Variants in GPC2 observed in about 807,000 individuals in gnomAD.
The protein encoded by GPC2 is glypican-2.
GPC2 carries 42 observed loss-of-function variants against 57.3 expected under a neutral mutation model. The ratio of observed to expected loss-of-function variants is 0.73; its 90% CI spans 0.57 to 0.95. The LOEUF (loss-of-function observed/expected upper bound fraction) is 0.95. Ranked by LOEUF, GPC2 falls within the 40% of genes least tolerant of loss-of-function variation. The pLI, the probability that GPC2 is intolerant of heterozygous loss-of-function variation, is 0.00. For synonymous variants in GPC2, 364 were observed against 343.4 expected (o/e 1.06, Z -0.66); for missense variants, 745 against 793.6 (o/e 0.94, Z 0.74).
At position 100,175,911 on chromosome 7, in the gene GPC2, G is replaced by C. The variant is rs1265139904; in HGVS notation, c.326-17C>G. 4 of 1,608,548 alleles carry C rather than the reference G, an allele frequency of 2.5e-6. No individual in the cohort carries two copies. Among genetic ancestry groups the C allele is most frequent in the Non-Finnish European group, 2.6e-6 (3 of 1,175,448 alleles). ...GAAAAAACTCTGCAGCAAATGCAGG[G>C]AACAGGTGGAAGGCAGGTCAGGCCA... On this transcript the variant is annotated splice_polypyrimidine_tract_variant and intron_variant, in intron 2 of 9. Transcript: ENST00000292377.
chr7:100,171,731 C>A lies in GPC2; in HGVS notation c.1170+48G>T, dbSNP rs772538488. Reference sequence around the variant, plus strand: ...GCTGGAGCGCGACCCCCACAACCATCCCCGGCCCCGGGCCCCCCCGCCCCC... The same window carrying A: ...GCTGGAGCGCGACCCCCACAACCATACCCGGCCCCGGGCCCCCCCGCCCCC... On this transcript the variant is annotated intron_variant, in intron 7 of 9. Transcript: ENST00000292377. This position sits in a 1 kb window ranked among gnomAD's most constrained non-coding sequence, Gnocchi z 4.8. 2 of 907,338 alleles carry A rather than the reference C, an allele frequency of 2.2e-6. No homozygotes were observed. Among genetic ancestry groups the A allele is most frequent in the East Asian group, 2.8e-5 (1 of 35,426 alleles). The allele number at this position is 907,338 out of a possible 1,614,324, so 56.2% of individuals were successfully genotyped here. A position where few individuals can be genotyped will look rare whatever the true frequency, so the allele number is the denominator to read the frequency against.
intron 5 of GPC2, chr7:100,173,531 G>T: frequency 5.1e-6 from 1 of 196,460 alleles, no homozygotes; most frequent in Non-Finnish European, 1.0e-5. Flanking sequence ...TCCTGCCTCA[G>T]CCTCAGGAGT....
chr7:100,176,510 A>C, intron 1 of GPC2, 145 bp from the exon 2 acceptor site: 1 of 726,298 alleles, frequency 1.4e-6, no homozygotes, highest in Non-Finnish European at 2.3e-6. Flanking sequence ...ACCTGAACCT[A>C]TCCCCTACCT....
In GPC2 at chr7:100,171,884, G is replaced by T. The variant is rs762811890; in HGVS notation, c.1065C>A (p.Arg355=). The change falls in exon 7 of 10, where the codon CGC becomes CGA. Residue 355 remains arginine, a synonymous_variant. Transcript: ENST00000292377. The surrounding 1 kb of genome is among the most constrained non-coding windows in gnomAD (Gnocchi z 4.8). ...CCCGGGGCGGCGGGGCTCGACGGTT[G>T]CGGGCAGGCACCGGGTCGGGGGGGC... is the stretch of plus-strand genomic sequence containing the variant. ...ECGPPDPVPA[R]NRRAPPPREE... 8 of 1,518,544 alleles carry T rather than the reference G, an allele frequency of 5.3e-6. No individual in the cohort carries two copies. The African/African-American group carries it at 1.1e-4, about 21-fold the overall frequency. 94.1% of individuals were successfully genotyped at this position (1,518,544 alleles called of 1,614,324 possible).
Position 100,171,752 on chromosome 7 carries a change from C to A in GPC2, c.1170+27G>T. Reference sequence around the variant, plus strand: ...CCATCCCCGGCCCCGGGCCCCCCCGCCCCCAACTCTTGGTCATCCCACGCA... The same window carrying A: ...CCATCCCCGGCCCCGGGCCCCCCCGACCCCAACTCTTGGTCATCCCACGCA... On this transcript the variant is annotated intron_variant, in intron 7 of 9. Transcript: ENST00000292377. This position sits in a 1 kb window ranked among gnomAD's most constrained non-coding sequence, Gnocchi z 4.8. 6.6e-7 allele frequency: 1 copy of A among 1,514,674 alleles called. No homozygotes were observed. The highest frequency in any genetic ancestry group is 2.1e-5 in the Admixed American group (1 of 48,112). 93.8% of individuals were successfully genotyped at this position (1,514,674 alleles called of 1,614,324 possible).
At position 100,171,590 on chromosome 7, in the gene GPC2, G is replaced by A. The variant is rs1224009523; in HGVS notation, c.1259C>T (p.Ala420Val). ...GGGCGCCGCCTCCAGCGAGGCGTCCGCTGCCATGCGAGAGTCTCCGCACAC... is the reference window on the plus strand; with the variant it reads ...GGGCGCCGCCTCCAGCGAGGCGTCCACTGCCATGCGAGAGTCTCCGCACAC... ...LTVCGDSRMAADASLEAAPCW... is the reference protein window; with the variant it reads ...LTVCGDSRMAVDASLEAAPCW... Residue 420 changes from alanine (A) to valine (V), a missense_variant, in exon 8 of 10, where the codon GCG becomes GTG. This residue lies in a region of GPC2 where 607 missense variants were observed against 603.9 expected (regional missense o/e 1.01). Transcript: ENST00000292377. The surrounding 1 kb of genome is among the most constrained non-coding windows in gnomAD (Gnocchi z 4.8). 2.0e-6 allele frequency: 3 copies of A among 1,515,334 alleles called. No homozygotes were observed. The highest frequency in any genetic ancestry group is 8.7e-7 in the Non-Finnish European group (1 of 1,143,924). The allele number at this position is 1,515,334 out of a possible 1,614,324, so 93.9% of individuals were successfully genotyped here.
In GPC2 at chr7:100,172,075, T is replaced by C; in HGVS notation, c.1023+12A>G. ...GCCCCGGGCCTCACCTCCACCCTTC[T>C]CTCCCCTGTACCTGGGCGGACACCT... On this transcript the variant is annotated intron_variant, in intron 6 of 9. Coordinates refer to ENST00000292377, the MANE Select transcript of GPC2 (RefSeq NM_152742.3). The C allele has an allele frequency of 6.2e-7, 1 of 1,613,330 alleles. No homozygotes were observed. The highest frequency in any genetic ancestry group is 8.5e-7 in the Non-Finnish European group (1 of 1,179,746).
chr7:100,171,523 CGCCCCCGAG>C lies in GPC2; in HGVS notation c.1310+7_1310+15del. ...GGTCCCGCCCCCTGCTGCCCCCCGA[CGCCCCCGAG>C]GCTCACCGGCCCCGCCCGGCTCCGG... On this transcript the variant is annotated splice_region_variant and intron_variant, in intron 8 of 9. Transcript: ENST00000292377. The surrounding 1 kb of genome is among the most constrained non-coding windows in gnomAD (Gnocchi z 4.8). 1 of 1,366,294 alleles carries C rather than the reference CGCCCCCGAG, an allele frequency of 7.3e-7. No homozygotes were observed. The highest frequency in any genetic ancestry group is 9.4e-7 in the Non-Finnish European group (1 of 1,067,618). The allele number at this position is 1,366,294 out of a possible 1,614,324, so 84.6% of individuals were successfully genotyped here. A position where few individuals can be genotyped will look rare whatever the true frequency, so the allele number is the denominator to read the frequency against.
Position 100,171,043 on chromosome 7 carries a change from G to T in GPC2, c.1486+218C>A. The T allele has an allele frequency of 2.2e-6, 1 of 457,826 alleles. No homozygotes were observed. 28.4% of individuals were successfully genotyped at this position (457,826 alleles called of 1,614,324 possible). On this transcript the variant is annotated intron_variant, in intron 9 of 9. Coordinates refer to ENST00000292377, the MANE Select transcript of GPC2 (RefSeq NM_152742.3). The surrounding 1 kb of genome is among the most constrained non-coding windows in gnomAD (Gnocchi z 4.8). Reference sequence around the variant, plus strand: ...GGGCTTCCCACTGTTCTTTAAGAATGTTTTCGTGTCTCCCCTACTGGCCTG... The same window carrying T: ...GGGCTTCCCACTGTTCTTTAAGAATTTTTTCGTGTCTCCCCTACTGGCCTG...
Position 100,171,221 on chromosome 7 carries a change from C to A in GPC2, c.1486+40G>T. 1 of 1,490,312 alleles carries A rather than the reference C, an allele frequency of 6.7e-7. No individual in the cohort carries two copies. Among genetic ancestry groups the A allele is most frequent in the South Asian group, 1.3e-5 (1 of 79,198 alleles). 92.3% of individuals were successfully genotyped at this position (1,490,312 alleles called of 1,614,324 possible). A position where few individuals can be genotyped will look rare whatever the true frequency, so the allele number is the denominator to read the frequency against. Reference sequence around the variant, plus strand: ...CCAGGAGAGGGGAGAGGCTTCAGGGCAGTGGGCGGGGCTCAGGCTCAGGGA... The same window carrying A: ...CCAGGAGAGGGGAGAGGCTTCAGGGAAGTGGGCGGGGCTCAGGCTCAGGGA... On this transcript the variant is annotated intron_variant, in intron 9 of 9. Transcript: ENST00000292377. This position sits in a 1 kb window ranked among gnomAD's most constrained non-coding sequence, Gnocchi z 4.8.
intron 5 of GPC2, among the ~76,000 whole-genome samples, chr7:100,172,757 ATG>A (rs1255201754): frequency 3.6e-4 from 49 of 134,394 alleles, no homozygotes; most frequent in East Asian, 1.2e-3. Flanking sequence ...GTGTATATAT[ATG>A]TGTGTATATA....
chr7:100,171,716 GACCCCCACAACC>G lies in GPC2; in HGVS notation c.1171-50_1171-39del, dbSNP rs1425040885. 1 of 1,478,044 alleles carries G rather than the reference GACCCCCACAACC, an allele frequency of 6.8e-7. No homozygotes were observed. The highest frequency in any genetic ancestry group is 1.5e-5 in the African/African-American group (1 of 68,370). The allele number at this position is 1,478,044 out of a possible 1,614,324, so 91.6% of individuals were successfully genotyped here. On this transcript the variant is annotated intron_variant, in intron 7 of 9. Transcript: ENST00000292377. This position sits in a 1 kb window ranked among gnomAD's most constrained non-coding sequence, Gnocchi z 4.8. Reference sequence around the variant, plus strand: ...GAGGGGGCGGGGCGAGCTGGAGCGCGACCCCCACAACCATCCCCGGCCCCGGGCCCCCCCGCC... The same window carrying G: ...GAGGGGGCGGGGCGAGCTGGAGCGCGATCCCCGGCCCCGGGCCCCCCCGCC...
chr7:100,172,025 CCTCT>C (rs1799187755), intron 6 of GPC2, 58 bp downstream of exon 6: 1 of 1,594,028 alleles, frequency 6.3e-7, no homozygotes, highest in East Asian at 2.3e-5. Context: ...CCCTATACTG[CCTCT>C]CTGACACCCA....
Position 100,177,243 on chromosome 7 carries a change from A to G in GPC2, c.-44T>C. 6.5e-7 allele frequency: 1 copy of G among 1,536,152 alleles called. No individual in the cohort carries two copies. Among genetic ancestry groups the G allele is most frequent in the Non-Finnish European group, 8.8e-7 (1 of 1,134,986 alleles). On this transcript the variant is annotated 5_prime_UTR_variant, in exon 1 of 10. Coordinates refer to ENST00000292377, the MANE Select transcript of GPC2 (RefSeq NM_152742.3). ...ACGGCAAAGTGGGTCCTAAGGAGGA[A>G]AGCAGAGCCTCCCAAACTCGGGAAT...
At chr7:100,173,582 T>G in intron 5 of GPC2, 16 of 243,832 alleles carry the variant, frequency 6.6e-5, no homozygotes, top group East Asian at 1.5e-4. Flanking sequence ...GCCTGGCTGA[T>G]TTCTTTCTTT....
chr7:100,172,275 G>A (rs1429452612), intron 5 of GPC2, 58 bp from the exon 6 acceptor site: 1 of 1,566,664 alleles, frequency 6.4e-7, no homozygotes, highest in Non-Finnish European at 8.7e-7. Context: ...GAACTAGGAT[G>A]TTCCTGAAAA....
rs1411357207 is a variant in GPC2 at position 100,177,014 on chromosome 7, G to C, written c.166+20C>G. ...CCCGCCCCCCACCCCCAATTCTCTA[G>C]TCTTCCTCTTTCTCCTCACCTGAGA... On this transcript the variant is annotated intron_variant, in intron 1 of 9. Transcript: ENST00000292377. The C allele has an allele frequency of 7.0e-7, 1 of 1,433,894 alleles. No homozygotes were observed. Among genetic ancestry groups the C allele is most frequent in the Non-Finnish European group, 9.3e-7 (1 of 1,072,248 alleles). The allele number at this position is 1,433,894 out of a possible 1,614,324, so 88.8% of individuals were successfully genotyped here.
Position 100,170,284 on chromosome 7 carries a change from G to C in GPC2, c.1686C>G (p.Thr562=). The change falls in exon 10 of 10, where the codon ACC becomes ACG. Residue 562 remains threonine (T), a synonymous_variant. Coordinates refer to ENST00000292377, the MANE Select transcript of GPC2 (RefSeq NM_152742.3). ...AGAGGGAGAGAATGAGGATGGTTTGGGTGTGAAAACCAATAGATGCCCCCC... is the reference window on the plus strand; with the variant it reads ...AGAGGGAGAGAATGAGGATGGTTTGCGTGTGAAAACCAATAGATGCCCCCC... ...RSGGASIGFH[T]QTILILSLSA... The C allele has an allele frequency of 6.3e-7, 1 of 1,596,716 alleles. No individual in the cohort carries two copies. Among genetic ancestry groups the C allele is most frequent in the Non-Finnish European group, 8.5e-7 (1 of 1,171,492 alleles).
Position 100,171,523 on chromosome 7 carries a change from C to A in GPC2, c.1310+16G>T. ...GGTCCCGCCCCCTGCTGCCCCCCGA[C>A]GCCCCCGAGGCTCACCGGCCCCGCC... On this transcript the variant is annotated intron_variant, in intron 8 of 9. Coordinates refer to ENST00000292377, the MANE Select transcript of GPC2 (RefSeq NM_152742.3). The surrounding 1 kb of genome is among the most constrained non-coding windows in gnomAD (Gnocchi z 4.8). The A allele has an allele frequency of 7.3e-7, 1 of 1,366,294 alleles. No homozygotes were observed. Among genetic ancestry groups the A allele is most frequent in the Non-Finnish European group, 9.4e-7 (1 of 1,067,618 alleles). 84.6% of individuals were successfully genotyped at this position (1,366,294 alleles called of 1,614,324 possible).
Sources: allele counts gnomAD v4.1 joint callset (sites outside exome capture counted in the v4.1 genomes callset), GRCh38; gene constraint gnomAD v4.1.1; regional missense constraint gnomAD v4.1.1; non-coding constraint Gnocchi (gnomAD v3.1); transcripts MANE v1.5; gene names NCBI Gene and HGNC (gene_info 2026-07-23, HGNC 2026-07-21).